The following PTPRG variants were observed in gnomAD, a reference collection of about 807,000 sequenced individuals.
The protein encoded by PTPRG is receptor-type tyrosine-protein phosphatase gamma.
PTPRG carries 102 observed loss-of-function variants against 165.3 expected under a neutral mutation model. That is an observed-to-expected ratio of 0.62 (90% CI 0.53 to 0.73). PTPRG has a LOEUF of 0.73. PTPRG is among the 30% of genes least tolerant of loss of function. PTPRG has a pLI of 0.00. For synonymous variants in PTPRG, 675 were observed against 669.5 expected, an observed-to-expected ratio of 1.01 and a Z score of -0.13; for missense variants, 1,866 against 1,861.4, an observed-to-expected ratio of 1.00 and a Z score of -0.05.
rs996258031 is a variant in PTPRG, at chr3:62,217,401, C to T, written c.2156-1450C>T. 2.0e-5 allele frequency among the ~76,000 whole-genome samples: 3 copies of T among 152,158 alleles called. No homozygotes were observed. Among genetic ancestry groups the T allele is most frequent in the Non-Finnish European group, 4.4e-5 (3 of 68,038 alleles). On this transcript the variant is annotated intron_variant, in intron 12 of 29. Transcript: ENST00000474889. This position sits in a 1 kb window ranked among gnomAD's most constrained non-coding sequence, Gnocchi z 4.3. ...TTAGAGGAAATCCAGTGAAACGCATCGTAACACACTTCTTCCTGACTCGGG... is the reference window on the plus strand; with the variant it reads ...TTAGAGGAAATCCAGTGAAACGCATTGTAACACACTTCTTCCTGACTCGGG...
At chr3:62,055,260 A>G (rs1700595934) in intron 4 of PTPRG, among the ~76,000 whole-genome samples, 2 of 152,216 alleles carry the variant, frequency 1.3e-5, no homozygotes, top group Admixed American at 1.3e-4. Context: ...AGATGATACC[A>G]TACTTAGTTT....
intron 16 of PTPRG, among the ~76,000 whole-genome samples, chr3:62,259,735 A>C (rs1417555306): frequency 6.6e-6 from 1 of 152,192 alleles, no homozygotes; most frequent in African/African-American, 2.4e-5. Context: ...ATACTCTCCA[A>C]AGATAGGTTA....
intron 2 of PTPRG, among the ~76,000 whole-genome samples, chr3:61,844,290 A>T (rs1156335843): frequency 6.6e-6 from 1 of 152,110 alleles, no homozygotes; most frequent in Non-Finnish European, 1.5e-5. Flanking sequence ...TTATATTTGT[A>T]TTGCAAGTTG....
At chr3:61,913,124 T>C (rs1008940392) in intron 2 of PTPRG, among the ~76,000 whole-genome samples, 3 of 152,228 alleles carry the variant, frequency 2.0e-5, no homozygotes, top group African/African-American at 7.2e-5. Flanking sequence ...ATGTATTGCA[T>C]AATGTTGGAG....
intron 2 of PTPRG, among the ~76,000 whole-genome samples, chr3:61,756,738 G>A (rs2033647025): frequency 6.6e-6 from 1 of 152,150 alleles, no homozygotes; most frequent in Non-Finnish European, 1.5e-5. Flanking sequence ...AAGTCTAGCA[G>A]TAAGATGAAA....
chr3:61,790,595 T>A (rs947915546), intron 2 of PTPRG, among the ~76,000 whole-genome samples: 1 of 152,188 alleles, frequency 6.6e-6, no homozygotes, highest in Non-Finnish European at 1.5e-5. Context: ...ATGTATACTT[T>A]CCCTATGTAT....
rs140784448 is a variant in PTPRG at position 61,867,175 on chromosome 3, G to A, written c.190+118193G>A. 2.6e-3 allele frequency among the ~76,000 whole-genome samples: 401 copies of A among 152,202 alleles called. 1 individual carries two copies. Among genetic ancestry groups the A allele is most frequent in the South Asian group, 6.6e-3 (32 of 4,824 alleles). ...TTCAGCAACAGCAGGCATTGATGGC[G>A]GCCCCACTGGGTGCCTGGCATGGCA... On this transcript the variant is annotated intron_variant, in intron 2 of 29. Transcript: ENST00000474889.
chr3:61,941,862 GA>G (rs1209353197), intron 2 of PTPRG, among the ~76,000 whole-genome samples: 1 of 149,918 alleles, frequency 6.7e-6, no homozygotes, highest in Non-Finnish European at 1.5e-5. Flanking sequence ...TTTTTCTTTA[GA>G]AAGCCAGAAT....
At chr3:62,101,483 T>C (rs75535126) in intron 5 of PTPRG, among the ~76,000 whole-genome samples, 2,129 of 152,354 alleles carry the variant, frequency 0.014, 51 homozygotes, top group African/African-American at 0.048. Context: ...TTGATATGTT[T>C]AATTATGGCT....
At chr3:62,292,397 G>A (rs746570994) in intron 28 of PTPRG, 24 bp from the exon 29 acceptor site, 12 of 1,599,598 alleles carry the variant, frequency 7.5e-6, no homozygotes, top group East Asian at 2.2e-5. Context: ...ATCTGAAATC[G>A]TATCTTTTTT....
intron 6 of PTPRG, among the ~76,000 whole-genome samples, chr3:62,134,282 C>T (rs1703626189): frequency 6.6e-6 from 1 of 152,174 alleles, no homozygotes; most frequent in African/African-American, 2.4e-5. Flanking sequence ...ATACACTGAC[C>T]TACAAAGGAA....
chr3:62,138,465 T>C (rs907091451), intron 6 of PTPRG, among the ~76,000 whole-genome samples: 1 of 152,178 alleles, frequency 6.6e-6, no homozygotes. Context: ...ATGCCTATAA[T>C]GTCAGCACTT....
At chr3:61,779,180 G>A (rs1029635023) in intron 2 of PTPRG, among the ~76,000 whole-genome samples, 12 of 152,106 alleles carry the variant, frequency 7.9e-5, no homozygotes, top group Non-Finnish European at 1.5e-5. Flanking sequence ...CCTCATTTTG[G>A]CCATAGATTA....
chr3:62,243,718 T>A, intron 14 of PTPRG, 89 bp from the exon 15 acceptor site: 1 of 809,244 alleles, frequency 1.2e-6, no homozygotes, highest in South Asian at 1.9e-5. Flanking sequence ...TGTTTAAAGC[T>A]GGGAAGATCT....
chr3:61,864,438 C>T (rs62243200), intron 2 of PTPRG, among the ~76,000 whole-genome samples: 40 of 151,756 alleles, frequency 2.6e-4, no homozygotes, highest in Non-Finnish European at 4.7e-4. Flanking sequence ...TGGAGAATCC[C>T]GGGCTTCTAA....
intron 4 of PTPRG, among the ~76,000 whole-genome samples, chr3:62,053,294 T>A (rs1575941756): frequency 7.6e-6 from 1 of 131,072 alleles, no homozygotes. Context: ...GGAGACGGAG[T>A]CTCTTTCTGT....
intron 2 of PTPRG, among the ~76,000 whole-genome samples, chr3:61,953,664 C>T (rs2039954445): frequency 6.6e-6 from 1 of 152,158 alleles, no homozygotes; most frequent in Admixed American, 6.5e-5. Context: ...TTTCTAGCCC[C>T]AAGGCTCACT....
chr3:62,124,769 G>A (rs6445257), intron 5 of PTPRG, among the ~76,000 whole-genome samples: 89,636 of 151,982 alleles, frequency 0.59, 27,009 homozygotes, highest in Non-Finnish European at 0.66. Context: ...TGTTGCCCAG[G>A]CTGGTCTCAA....
intron 6 of PTPRG, among the ~76,000 whole-genome samples, chr3:62,155,030 C>T (rs1704483770): frequency 6.6e-6 from 1 of 152,228 alleles, no homozygotes. Context: ...GAGATTTCCC[C>T]TGTCATTAGG....
Sources: gnomAD v4.1 joint callset for allele counts (sites outside exome capture counted in the v4.1 genomes callset) on GRCh38, gnomAD v4.1.1 for gene constraint, Gnocchi (gnomAD v3.1) non-coding constraint, MANE v1.5 for transcripts, NCBI Gene and HGNC (gene_info 2026-07-23, HGNC 2026-07-21) for gene names.